Variants in MPP7 observed in about 807,000 individuals in gnomAD.
MPP7 encodes MAGUK p55 subfamily member 7.
In MPP7, 60 loss-of-function variants were observed where a neutral mutation model predicts 76.5. The observed-to-expected ratio is 0.78, with a 90% CI of 0.64 to 0.97. The LOEUF is 0.97. Among genes scored for constraint, MPP7 ranks in the 50% least tolerant of loss-of-function variants. The pLI is 0.00. For synonymous variants in MPP7, 237 were observed against 244.5 expected (o/e 0.97, Z 0.29); for missense variants, 641 against 694.0 (o/e 0.92, Z 0.86).
chr10:28,064,800 G>A (rs1403343604), intron 13 of MPP7, among the ~76,000 whole-genome samples: 1 of 152,154 alleles, frequency 6.6e-6, no homozygotes, highest in African/African-American at 2.4e-5. Context: ...GGTGCACCAA[G>A]AGGTAGTGCT....
intron 12 of MPP7, among the ~76,000 whole-genome samples, chr10:28,076,504 C>T (rs547570852): frequency 1.6e-4 from 25 of 151,982 alleles, no homozygotes; most frequent in Non-Finnish European, 2.6e-4. Context: ...GTACAAATAA[C>T]GCAAACCCAA....
At chr10:28,054,317 C>G in intron 16 of MPP7, 73 bp from the exon 17 acceptor site, 2 of 873,844 alleles carry the variant, frequency 2.3e-6, no homozygotes, top group Non-Finnish European at 3.5e-6. Flanking sequence ...TGCAAACATT[C>G]TACAATTGGT....
intron 1 of MPP7, among the ~76,000 whole-genome samples, chr10:28,263,668 T>G (rs1239754206): frequency 6.6e-6 from 1 of 152,050 alleles, no homozygotes; most frequent in Admixed American, 6.6e-5. Flanking sequence ...GCCCACGATC[T>G]GCAAAGAGGA....
intron 11 of MPP7, among the ~76,000 whole-genome samples, chr10:28,099,702 G>A (rs1297318336): frequency 2.0e-5 from 3 of 152,120 alleles, no homozygotes; most frequent in Non-Finnish European, 2.9e-5. Flanking sequence ...AGCTACTCGG[G>A]AGGCTGAGGC....
chr10:28,151,569 T>G (rs1835884827), intron 3 of MPP7, among the ~76,000 whole-genome samples: 1 of 152,200 alleles, frequency 6.6e-6, no homozygotes, highest in Non-Finnish European at 1.5e-5. Context: ...CATAGAGACT[T>G]ATTAAGAACT....
At chr10:28,326,215 A>G (rs966101366) in intron 2 of MPP7, among the ~76,000 whole-genome samples, 3 of 152,152 alleles carry the variant, frequency 2.0e-5, no homozygotes, top group African/African-American at 7.2e-5. Flanking sequence ...ATATAATCCC[A>G]TATCAATTAT....
At chr10:28,099,210 T>A (rs998499198) in intron 11 of MPP7, among the ~76,000 whole-genome samples, 3 of 152,034 alleles carry the variant, frequency 2.0e-5, no homozygotes, top group Admixed American at 6.6e-5. Flanking sequence ...ACTAACAGCC[T>A]CCAAAAAATC....
chr10:28,329,266 T>C (rs1264343015), intron 2 of MPP7, among the ~76,000 whole-genome samples: 1 of 152,226 alleles, frequency 6.6e-6, no homozygotes, highest in East Asian at 1.9e-4. Context: ...TTGTTGTAAC[T>C]GAGGGAATGC....
At chr10:28,123,184 T>C (rs914969081) in intron 8 of MPP7, among the ~76,000 whole-genome samples, 3 of 152,210 alleles carry the variant, frequency 2.0e-5, no homozygotes, top group Admixed American at 6.5e-5. Flanking sequence ...CTAGTTGGTA[T>C]AGGTTTCCAG....
At chr10:28,309,569 A>G (rs1004270) in intron 2 of MPP7, among the ~76,000 whole-genome samples, 54,387 of 151,984 alleles carry the variant, frequency 0.36, 9,992 homozygotes, top group East Asian at 0.54. Flanking sequence ...CCCTTGTTAC[A>G]AGCTCATAAA....
chr10:28,164,079 A>G (rs9299598), intron 3 of MPP7, among the ~76,000 whole-genome samples: 113,493 of 151,888 alleles, frequency 0.75, 42,547 homozygotes, highest in Middle Eastern at 0.84. Flanking sequence ...GGACAGGCAG[A>G]TGATGATATA....
chr10:28,197,953 G>A (rs1837642740), intron 3 of MPP7, among the ~76,000 whole-genome samples: 1 of 152,112 alleles, frequency 6.6e-6, no homozygotes, highest in Non-Finnish European at 1.5e-5. Flanking sequence ...GTAACCAGAT[G>A]TTACAGGGGT....
intron 6 of MPP7, among the ~76,000 whole-genome samples, chr10:28,128,461 C>T (rs1835088390): frequency 6.6e-6 from 1 of 152,098 alleles, no homozygotes; most frequent in Non-Finnish European, 1.5e-5. Context: ...GCTCACTCTG[C>T]ACAGTAATTC....
chr10:28,302,922 G>A lies in MPP7; in HGVS notation c.-193C>T, dbSNP rs1376844785. The stretch of plus-strand genomic sequence containing the variant: ...CACTCGCTCTGGCCCCTGCAGCCCC[G>A]GGCCCGGAGGCAAGGAGGCAGCGAC... On this transcript the variant is annotated 5_prime_UTR_variant, in exon 1 of 17. Coordinates refer to ENST00000683449, the MANE Select transcript of MPP7 (RefSeq NM_001318170.2). Among the ~76,000 whole-genome samples, 1 of 152,120 alleles carries A rather than the reference G, an allele frequency of 6.6e-6. No homozygotes were observed. The highest frequency in any genetic ancestry group is 2.4e-5 in the African/African-American group (1 of 41,450).
chr10:28,225,884 T>G (rs1328563690), intron 2 of MPP7, among the ~76,000 whole-genome samples: 2 of 152,182 alleles, frequency 1.3e-5, no homozygotes, highest in African/African-American at 4.8e-5. Flanking sequence ...TTAGGCAATA[T>G]TATATTACAC....
At chr10:28,290,998 C>T (rs140020592) in intron 1 of MPP7, among the ~76,000 whole-genome samples, 3 of 152,236 alleles carry the variant, frequency 2.0e-5, no homozygotes, top group Middle Eastern at 3.4e-3. Context: ...ATCCTGATGA[C>T]ACGATTTTGT....
At chr10:28,308,949 G>A (rs938697880) in intron 2 of MPP7, among the ~76,000 whole-genome samples, 4 of 152,104 alleles carry the variant, frequency 2.6e-5, no homozygotes, top group Non-Finnish European at 4.4e-5. Flanking sequence ...TCTAAAACTA[G>A]TCAGAAACTG....
At chr10:28,276,563 G>A (rs867889135) in intron 1 of MPP7, among the ~76,000 whole-genome samples, 5 of 151,914 alleles carry the variant, frequency 3.3e-5, no homozygotes, top group African/African-American at 7.3e-5. Flanking sequence ...TCTTTGAGTC[G>A]GATTACTAAA....
At chr10:28,179,642 CAG>C (rs1189632151) in intron 3 of MPP7, among the ~76,000 whole-genome samples, 2 of 152,116 alleles carry the variant, frequency 1.3e-5, no homozygotes, top group African/African-American at 2.4e-5. Flanking sequence ...CCATCAGTGA[CAG>C]AACTAAATTC....
Sources: allele counts gnomAD v4.1 joint callset (sites outside exome capture counted in the v4.1 genomes callset), GRCh38; gene constraint gnomAD v4.1.1; transcripts MANE v1.5; gene names NCBI Gene and HGNC (gene_info 2026-07-23, HGNC 2026-07-21).